The following PLCL2 variants were observed in gnomAD, a reference collection of about 807,000 sequenced individuals.
The protein encoded by PLCL2 is inactive phospholipase C-like protein 2.
Under a neutral mutation model 79.6 loss-of-function variants are expected in PLCL2, and 4 were observed. The observed-to-expected ratio is 0.05, with a 90% confidence interval of 0.02 to 0.11. The LOEUF (loss-of-function observed/expected upper bound fraction) is 0.11. Among genes scored for constraint, PLCL2 ranks in the 10% least tolerant of loss-of-function variants. The pLI, the probability that PLCL2 is intolerant of heterozygous loss-of-function variation, is 1.00. For synonymous variants in PLCL2, 484 were observed against 457.7 expected (o/e 1.06, Z -0.73); for missense variants, 895 against 1,291.0 (o/e 0.69, Z 4.70).
intron 1 of PLCL2, among the ~76,000 whole-genome samples, chr3:16,902,032 C>T (rs1696630822): frequency 6.6e-6 from 1 of 152,190 alleles, no homozygotes; most frequent in African/African-American, 2.4e-5. Context: ...TTGATGTTTC[C>T]AGCTCAGATT....
At chr3:17,081,711 C>T (rs1325112938) in intron 5 of PLCL2, among the ~76,000 whole-genome samples, 1 of 152,180 alleles carries the variant, frequency 6.6e-6, no homozygotes, top group African/African-American at 2.4e-5. Context: ...CATTCTTTTC[C>T]TGGCTGCTCT....
chr3:17,082,219 C>T (rs1214975836), intron 5 of PLCL2, among the ~76,000 whole-genome samples: 2 of 146,182 alleles, frequency 1.4e-5, no homozygotes, highest in African/African-American at 5.1e-5. Flanking sequence ...TCTCAGCTCA[C>T]TGCAACCTTT....
intron 1 of PLCL2, among the ~76,000 whole-genome samples, chr3:16,982,035 T>C (rs1010423742): frequency 2.6e-5 from 4 of 152,188 alleles, no homozygotes; most frequent in Non-Finnish European, 4.4e-5. Context: ...AAAAATACGT[T>C]TTCTGGTTAA....
At chr3:17,078,322 GTTTTGCTGCTCCA>G (rs1430277611) in intron 5 of PLCL2, among the ~76,000 whole-genome samples, 8 of 152,318 alleles carry the variant, frequency 5.3e-5, no homozygotes, top group African/African-American at 1.7e-4. Context: ...CAGCCAGATG[GTTTTGCTGCTCCA>G]TGTGATATTA....
At chr3:17,044,729 G>T (rs181241414) in intron 4 of PLCL2, among the ~76,000 whole-genome samples, 1 of 151,890 alleles carries the variant, frequency 6.6e-6, no homozygotes, top group Admixed American at 6.5e-5. Context: ...GGACTTTGTG[G>T]AATTTGAAAA....
At chr3:16,933,265 C>G (rs1270020835) in intron 1 of PLCL2, 6 of 154,824 alleles carry the variant, frequency 3.9e-5, no homozygotes, top group Non-Finnish European at 8.8e-5. Context: ...CACCTCTCCA[C>G]AGCCTTGTTC....
chr3:16,893,900 T>C (rs1180924727), intron 1 of PLCL2, among the ~76,000 whole-genome samples: 2 of 152,298 alleles, frequency 1.3e-5, no homozygotes, highest in East Asian at 1.9e-4. Flanking sequence ...AAATCCTGTG[T>C]CTCTCTCTCA....
intron 4 of PLCL2, among the ~76,000 whole-genome samples, 196 bp downstream of exon 4, chr3:17,043,145 C>T (rs1230371185): frequency 6.6e-6 from 1 of 152,148 alleles, no homozygotes; most frequent in Non-Finnish European, 1.5e-5. Flanking sequence ...ATTCAAAATA[C>T]ATTAACATTG....
intron 1 of PLCL2, among the ~76,000 whole-genome samples, chr3:16,934,585 C>G (rs1257428492): frequency 6.6e-6 from 1 of 152,076 alleles, no homozygotes; most frequent in Non-Finnish European, 1.5e-5. Context: ...CCAGTGAAGA[C>G]CTTTATCAGG....
intron 3 of PLCL2, among the ~76,000 whole-genome samples, chr3:17,023,221 G>A (rs1211066047): frequency 1.3e-5 from 2 of 152,198 alleles, no homozygotes; most frequent in African/African-American, 4.8e-5. Context: ...AGCTGCAAGA[G>A]CCAGCTCCTT....
chr3:16,995,995 A>G (rs2064149352), intron 1 of PLCL2, among the ~76,000 whole-genome samples: 1 of 152,236 alleles, frequency 6.6e-6, no homozygotes, highest in African/African-American at 2.4e-5. Context: ...CCAGACCTCT[A>G]GGATGGGGCC....
chr3:17,021,318 G>A (rs952182578), intron 3 of PLCL2, among the ~76,000 whole-genome samples: 11 of 152,076 alleles, frequency 7.2e-5, no homozygotes, highest in Admixed American at 3.9e-4. Flanking sequence ...CAAAACCATT[G>A]ATGAGCCATT....
At chr3:17,050,059 G>C (rs1172040042) in intron 4 of PLCL2, among the ~76,000 whole-genome samples, 1 of 152,128 alleles carries the variant, frequency 6.6e-6, no homozygotes. Flanking sequence ...TTTGACAAGG[G>C]TGTCAAGATT....
At chr3:16,972,056 T>A (rs11713046) in intron 1 of PLCL2, among the ~76,000 whole-genome samples, 151,995 of 152,040 alleles carry the variant, frequency 1, 75,975 homozygotes, top group Middle Eastern at 1. Flanking sequence ...ATCTATGACA[T>A]ACCCACAGCC....
At chr3:16,965,749 C>T (rs1323375982) in intron 1 of PLCL2, among the ~76,000 whole-genome samples, 1 of 151,866 alleles carries the variant, frequency 6.6e-6, no homozygotes, top group Non-Finnish European at 1.5e-5. Context: ...CCCTTGTAAG[C>T]TGGATTCCTA....
chr3:16,885,134 T>C lies in PLCL2; in HGVS notation c.95T>C (p.Val32Ala), dbSNP rs764194893. The C allele has an allele frequency of 2.1e-6, 1 of 475,162 alleles. No homozygotes were observed. The highest frequency in any genetic ancestry group is 3.1e-5 in the South Asian group (1 of 32,422). 29.4% of individuals were successfully genotyped at this position (475,162 alleles called of 1,614,324 possible). A position where few individuals can be genotyped will look rare whatever the true frequency, so the allele number is the denominator to read the frequency against. The change falls in exon 1 of 6, where the codon GTG (valine) becomes GCG (alanine). Residue 32 changes from valine to alanine, a missense_variant. Around this residue, in one of 6 missense-constraint regions of PLCL2, gnomAD observed 110 missense variants for 42.9 expected, o/e 2.56. Coordinates refer to ENST00000615277, the MANE Select transcript of PLCL2 (RefSeq NM_001144382.2). ...GCCAAGGGCGCCCTGAAAGCCGGAG[T>C]GGGGGAAGGCGGTGGCGGGGGAGGT... The part of the protein sequence containing the change: ...LGAKGALKAG[V>A]GEGGGGGGRL...
At chr3:17,034,396 T>A (rs2064620073) in intron 3 of PLCL2, among the ~76,000 whole-genome samples, 2 of 152,162 alleles carry the variant, frequency 1.3e-5, no homozygotes, top group Admixed American at 6.5e-5. Flanking sequence ...AATGAATGAA[T>A]ATAAGTTATT....
At chr3:16,898,548 C>T (rs1696539177) in intron 1 of PLCL2, among the ~76,000 whole-genome samples, 2 of 152,216 alleles carry the variant, frequency 1.3e-5, no homozygotes, top group South Asian at 4.1e-4. Context: ...GAAACAGGCA[C>T]ATAGCCACAT....
intron 2 of PLCL2, 36 bp downstream of exon 2, chr3:17,012,196 T>G: frequency 6.4e-7 from 1 of 1,564,078 alleles, no homozygotes; most frequent in Non-Finnish European, 8.7e-7. Context: ...CTCAATGGTT[T>G]TCCTACTTTG....
Sources: gnomAD v4.1 joint callset for allele counts (sites outside exome capture counted in the v4.1 genomes callset) on GRCh38, gnomAD v4.1.1 for gene constraint, gnomAD v4.1.1 regional missense constraint, MANE v1.5 for transcripts, NCBI Gene and HGNC (gene_info 2026-07-23, HGNC 2026-07-21) for gene names.